Variants in TAFA5 observed in about 807,000 individuals in gnomAD.
TAFA5 encodes the protein chemokine-like protein TAFA-5.
Under a neutral mutation model 15.3 loss-of-function variants are expected in TAFA5, and 6 were observed. That is an observed-to-expected ratio of 0.39 (90% CI 0.21 to 0.77). TAFA5 has a LOEUF of 0.77. TAFA5 is among the 30% of genes least tolerant of loss of function. The probability of loss-of-function intolerance (pLI) is 0.41; values close to 1 mark genes in which losing one functional copy is unlikely to be tolerated. For missense variants in TAFA5, 161 were observed against 193.1 expected (o/e 0.83, Z 0.98); for synonymous variants, 103 against 80.7 (o/e 1.28, Z -1.48).
intron 3 of TAFA5, among the ~76,000 whole-genome samples, chr22:48,744,955 C>T (rs1039145472): frequency 2.0e-5 from 3 of 152,150 alleles, no homozygotes; most frequent in African/African-American, 4.8e-5. Flanking sequence ...GGGGTTTCAC[C>T]GTGTTAGTCA....
At chr22:48,578,341 GC>G (rs1569032367) in intron 1 of TAFA5, among the ~76,000 whole-genome samples, 1 of 152,196 alleles carries the variant, frequency 6.6e-6, no homozygotes. Context: ...CTGCGGCGCT[GC>G]CCCAGTGCAG....
At chr22:48,513,367 G>T (rs554693708) in intron 1 of TAFA5, among the ~76,000 whole-genome samples, 1 of 152,220 alleles carries the variant, frequency 6.6e-6, no homozygotes, top group Admixed American at 6.5e-5. Context: ...AAGACCCTCA[G>T]GTCCACATGA....
At chr22:48,621,096 A>G (rs1925816027) in intron 1 of TAFA5, among the ~76,000 whole-genome samples, 1 of 37,566 alleles carries the variant, frequency 2.7e-5, no homozygotes, top group Non-Finnish European at 4.7e-5. Flanking sequence ...CACCCAATCT[A>G]CTATCCACCC....
At position 48,675,140 on chromosome 22, in the gene TAFA5, C is replaced by T. The variant is rs532415258; in HGVS notation, c.262+28394C>T. On this transcript the variant is annotated intron_variant, in intron 2 of 3. Coordinates refer to ENST00000402357, the MANE Select transcript of TAFA5 (RefSeq NM_001082967.3). The stretch of plus-strand genomic sequence containing the variant: ...TATTTTTAGTAGAGATGGGGTTTCA[C>T]CCTGTTGGCCAGGCTGGTCTCGAAC... Among the ~76,000 whole-genome samples the T allele has an allele frequency of 6.6e-5, 10 of 152,294 alleles. No homozygotes were observed. In the South Asian group the frequency reaches 2.1e-3, roughly 32 times the overall value.
At chr22:48,595,210 C>T (rs899242274) in intron 1 of TAFA5, among the ~76,000 whole-genome samples, 1 of 152,228 alleles carries the variant, frequency 6.6e-6, no homozygotes, top group Non-Finnish European at 1.5e-5. Flanking sequence ...TTCCCACCTA[C>T]TCAGGGGATG....
rs1921932766 is a variant in TAFA5, at chr22:48,530,400, A to G, written c.112+40696A>G. Among the ~76,000 whole-genome samples the G allele has an allele frequency of 6.6e-6, 1 of 152,176 alleles. No individual in the cohort carries two copies. The highest frequency in any genetic ancestry group is 6.5e-5 in the Admixed American group (1 of 15,268). ...AGCCCAGAGAAGGAATGCACCGGGC[A>G]CTGTCGTGGGGCCGGCATTCAACTG... is the stretch of plus-strand genomic sequence containing the variant. On this transcript the variant is annotated intron_variant, in intron 1 of 3. Coordinates refer to ENST00000402357, the MANE Select transcript of TAFA5 (RefSeq NM_001082967.3). This position sits in a 1 kb window ranked among gnomAD's most constrained non-coding sequence, Gnocchi z 6.0.
At chr22:48,743,416 T>C (rs1930238286) in intron 3 of TAFA5, among the ~76,000 whole-genome samples, 1 of 152,180 alleles carries the variant, frequency 6.6e-6, no homozygotes, top group African/African-American at 2.4e-5. Context: ...AAGGGAGTGG[T>C]ATCCACCCTA....
At chr22:48,666,352 A>G (rs371079409) in intron 2 of TAFA5, among the ~76,000 whole-genome samples, 1 of 152,112 alleles carries the variant, frequency 6.6e-6, no homozygotes, top group East Asian at 1.9e-4. Context: ...AAGTTCGTAC[A>G]CTTTACTTTT....
intron 1 of TAFA5, among the ~76,000 whole-genome samples, chr22:48,637,777 C>T (rs1362493759): frequency 1.3e-5 from 2 of 152,084 alleles, no homozygotes; most frequent in Non-Finnish European, 2.9e-5. Context: ...ATCGACGTCC[C>T]CAACACTTTC....
chr22:48,620,960 T>C (rs12163033), intron 1 of TAFA5, among the ~76,000 whole-genome samples: 381 of 15,274 alleles, frequency 0.025, no homozygotes, highest in African/African-American at 0.051. Flanking sequence ...TATCCACCCA[T>C]CCACCTATCC....
At chr22:48,738,951 C>T (rs2147272286) in intron 3 of TAFA5, among the ~76,000 whole-genome samples, 1 of 152,356 alleles carries the variant, frequency 6.6e-6, no homozygotes, top group South Asian at 2.1e-4. Context: ...GGATTATAAA[C>T]CAAGCCACCC....
chr22:48,600,566 TCG>T (rs1924930468), intron 1 of TAFA5, among the ~76,000 whole-genome samples: 1 of 63,960 alleles, frequency 1.6e-5, no homozygotes, highest in Non-Finnish European at 3.2e-5. Flanking sequence ...ACGTGTGATT[TCG>T]TGTGTGTGTG....
chr22:48,497,368 C>G (rs1351357301), intron 1 of TAFA5, among the ~76,000 whole-genome samples: 1 of 152,156 alleles, frequency 6.6e-6, no homozygotes, highest in Non-Finnish European at 1.5e-5. Context: ...GCCCCTTGCC[C>G]CTGTTTCTGC....
chr22:48,706,026 C>T (rs569295050), intron 2 of TAFA5, among the ~76,000 whole-genome samples: 212 of 152,246 alleles, frequency 1.4e-3, no homozygotes, highest in African/African-American at 4.9e-3. Context: ...TGAAAGGGAC[C>T]GGGGCTGCAG....
chr22:48,572,179 A>G (rs766762176), intron 1 of TAFA5, among the ~76,000 whole-genome samples: 7 of 152,180 alleles, frequency 4.6e-5, no homozygotes, highest in Non-Finnish European at 7.3e-5. Context: ...CTTCTCTTTC[A>G]TGCCTCTAGC....
intron 1 of TAFA5, among the ~76,000 whole-genome samples, chr22:48,594,604 C>T (rs1030514531): frequency 6.6e-6 from 1 of 152,214 alleles, no homozygotes; most frequent in Non-Finnish European, 1.5e-5. Context: ...CTCATGCTCC[C>T]GTCGGCTGCC....
In TAFA5 at chr22:48,749,968, T is replaced by C; in HGVS notation, c.*121T>C. 3.0e-6 allele frequency: 3 copies of C among 988,998 alleles called. No homozygotes were observed. Among genetic ancestry groups the C allele is most frequent in the Non-Finnish European group, 1.5e-6 (1 of 652,550 alleles). 61.3% of individuals were successfully genotyped at this position (988,998 alleles called of 1,614,324 possible). The stretch of plus-strand genomic sequence containing the variant: ...TTCTCTGCCGCCCGCCCACTCCGTT[T>C]CCCTGTGGTCCGTGAAGGACGGCCT... On this transcript the variant is annotated 3_prime_UTR_variant, in exon 4 of 4. Transcript: ENST00000402357.
intron 1 of TAFA5, among the ~76,000 whole-genome samples, chr22:48,509,840 A>G (rs1921145007): frequency 6.6e-6 from 1 of 151,782 alleles, no homozygotes; most frequent in Non-Finnish European, 1.5e-5. Context: ...AGTCCCAGCT[A>G]CTTGGGAGGC....
At chr22:48,539,452 T>C in intron 1 of TAFA5, 1 of 471,232 alleles carries the variant, frequency 2.1e-6, no homozygotes, top group South Asian at 1.5e-5. Context: ...TTGGCATCTG[T>C]TCTGAAACAA....
Sources: gnomAD v4.1 joint callset for allele counts (sites outside exome capture counted in the v4.1 genomes callset) on GRCh38, gnomAD v4.1.1 for gene constraint, Gnocchi (gnomAD v3.1) non-coding constraint, MANE v1.5 for transcripts, NCBI Gene and HGNC (gene_info 2026-07-23, HGNC 2026-07-21) for gene names.